The following MICAL2 variants were observed in gnomAD, a reference collection of about 807,000 sequenced individuals.
MICAL2 encodes microtubule associated monooxygenase, calponin and LIM domain containing 2, also known as [F-actin]-monooxygenase MICAL2.
Under a neutral mutation model 127.3 loss-of-function variants are expected in MICAL2, and 77 were observed. The ratio of observed to expected loss-of-function variants is 0.60; its 90% CI spans 0.50 to 0.73. The LOEUF is 0.73. Among genes scored for constraint, MICAL2 ranks in the 30% least tolerant of loss-of-function variants. The probability of loss-of-function intolerance (pLI) is 0.00; values close to 1 mark genes in which losing one functional copy is unlikely to be tolerated. For missense variants in MICAL2, 1,351 were observed against 1,434.4 expected (o/e 0.94, Z 0.94); for synonymous variants, 570 against 551.1 (o/e 1.03, Z -0.48).
At chr11:12,253,947 T>C (rs1200286775) in intron 22 of MICAL2, 1 of 152,184 alleles carries the variant, frequency 6.6e-6, no homozygotes, top group Non-Finnish European at 1.5e-5. Context: ...TGTAGGTCAG[T>C]GTGTGGGACT....
chr11:12,182,796 C>T lies in MICAL2; in HGVS notation c.264+20377C>T, dbSNP rs185257086. On this transcript the variant is annotated intron_variant, in intron 3 of 27. Transcript: ENST00000683283. ...TCCTCCCACTGTCCACCTTGGCTCT[C>T]CCTGGCTCACCTCCAGCCTGAGCTC... Among the ~76,000 whole-genome samples, 360 of 152,286 alleles carry T rather than the reference C, an allele frequency of 2.4e-3. 4 individuals carry two copies. Among genetic ancestry groups the T allele is most frequent in the African/African-American group, 8.2e-3 (339 of 41,556 alleles).
At chr11:12,238,919 G>A (rs1172350190) in intron 16 of MICAL2, among the ~76,000 whole-genome samples, 1 of 152,140 alleles carries the variant, frequency 6.6e-6, no homozygotes, top group African/African-American at 2.4e-5. Context: ...GTTAAAGCTG[G>A]GGGTAGGTAC....
At chr11:12,154,544 T>G (rs1407743777) in intron 2 of MICAL2, among the ~76,000 whole-genome samples, 1 of 152,220 alleles carries the variant, frequency 6.6e-6, no homozygotes, top group African/African-American at 2.4e-5. Context: ...TACACACATA[T>G]CACCACTGTT....
At chr11:12,236,453 C>T (rs879312646) in intron 16 of MICAL2, among the ~76,000 whole-genome samples, 1 of 152,200 alleles carries the variant, frequency 6.6e-6, no homozygotes, top group Non-Finnish European at 1.5e-5. Context: ...AACACAACCT[C>T]CCAGGATGTG....
intron 32 of MICAL2, among the ~76,000 whole-genome samples, chr11:12,330,894 AGAGAGAGT>A (rs1413546549): frequency 8.9e-5 from 11 of 124,218 alleles, no homozygotes; most frequent in African/African-American, 3.5e-4. Flanking sequence ...AGAGAGAGAG[AGAGAGAGT>A]GTGTGTGTGT....
At chr11:12,169,214 G>GA (rs1195817412) in intron 3 of MICAL2, among the ~76,000 whole-genome samples, 19 of 86,678 alleles carry the variant, frequency 2.2e-4, no homozygotes, top group Admixed American at 1.2e-3. Flanking sequence ...TTCTTAATGG[G>GA]AAAAAAAAAT....
At chr11:12,347,183 A>C (rs148269629) in intron 32 of MICAL2, among the ~76,000 whole-genome samples, 1 of 151,988 alleles carries the variant, frequency 6.6e-6, no homozygotes, top group Non-Finnish European at 1.5e-5. Context: ...TTTCCTCTCA[A>C]AAGTGTTACC....
In MICAL2 at chr11:12,149,029, T is replaced by C. The variant is rs560747925; in HGVS notation, c.-78+10569T>C. 2.0e-3 allele frequency among the ~76,000 whole-genome samples: 305 copies of C among 152,258 alleles called. 2 individuals are homozygous for C. Among genetic ancestry groups the C allele is most frequent in the Middle Eastern group, 3.4e-3 (1 of 294 alleles). On this transcript the variant is annotated intron_variant, in intron 2 of 27. Transcript: ENST00000683283. ...ATGGTGGGTTGGGTTTGGTGACCAG[T>C]CTGCCTGACTCCAGAGTCCAAACTG...
intron 3 of MICAL2, among the ~76,000 whole-genome samples, chr11:12,168,887 C>T (rs1269434056): frequency 2.2e-5 from 3 of 137,614 alleles, no homozygotes; most frequent in African/African-American, 8.4e-5. Context: ...GTCAAGGCGG[C>T]AGTGAGCTAT....
At chr11:12,185,479 C>A (rs1041598998) in intron 3 of MICAL2, among the ~76,000 whole-genome samples, 3 of 152,090 alleles carry the variant, frequency 2.0e-5, no homozygotes, top group South Asian at 2.1e-4. Context: ...CCTTCCCATC[C>A]CCATGACAGG....
At chr11:12,246,036 T>TGCCTTTCTCTCATCCCC (rs1188599813) in intron 21 of MICAL2, among the ~76,000 whole-genome samples, 1 of 152,262 alleles carries the variant, frequency 6.6e-6, no homozygotes, top group African/African-American at 2.4e-5. Context: ...CTCTTGTCCC[T>TGCCTTTCTCTCATCCCC]GCCTTTCTCT....
chr11:12,215,977 A>G (rs889223640), intron 7 of MICAL2, among the ~76,000 whole-genome samples: 1 of 152,148 alleles, frequency 6.6e-6, no homozygotes, highest in African/African-American at 2.4e-5. Context: ...CACAACCCCT[A>G]CAGACGTTGT....
intron 21 of MICAL2, among the ~76,000 whole-genome samples, chr11:12,247,575 A>G (rs570356901): frequency 1.3e-5 from 2 of 152,290 alleles, no homozygotes; most frequent in African/African-American, 2.4e-5. Flanking sequence ...CATTTTAGGC[A>G]GTTATGGATG....
intron 3 of MICAL2, among the ~76,000 whole-genome samples, chr11:12,184,790 C>T (rs997822278): frequency 3.3e-5 from 5 of 151,848 alleles, no homozygotes; most frequent in Admixed American, 2.6e-4. Flanking sequence ...CCCTGTCTAG[C>T]TTCAGGTGTT....
intron 3 of MICAL2, among the ~76,000 whole-genome samples, chr11:12,178,888 C>T (rs1217733923): frequency 1.3e-5 from 2 of 152,054 alleles, no homozygotes; most frequent in African/African-American, 2.4e-5. Flanking sequence ...CTTCCTCCCA[C>T]ATGCAATCAC....
In MICAL2 at chr11:12,256,836, T is replaced by C. The variant is rs750419868; in HGVS notation, c.3007T>C (p.Tyr1003His). The C allele has an allele frequency of 4.3e-6, 7 of 1,614,106 alleles. No individual in the cohort carries two copies. In the Admixed American group the frequency reaches 6.7e-5, roughly 15 times the overall value. Residue 1003 changes from tyrosine to histidine, a missense_variant, in exon 24 of 28, where the codon TAC becomes CAC. Transcript: ENST00000683283. ...TAACCTGGGAGGCAGCGACACGTGT[T>C]ACTTCTGTAAGAAACGTGTGTACGT... The part of the protein sequence containing the change: ...PLNLGGSDTC[Y>H]FCKKRVYVME...
intron 32 of MICAL2, among the ~76,000 whole-genome samples, chr11:12,330,908 T>A (rs866783186): frequency 0.042 from 4,956 of 116,732 alleles, 331 homozygotes; most frequent in African/African-American, 0.16. Context: ...AGAGTGTGTG[T>A]GTGTGTGTGT....
intron 3 of MICAL2, among the ~76,000 whole-genome samples, chr11:12,176,385 G>A (rs1030827030): frequency 6.6e-6 from 1 of 152,186 alleles, no homozygotes; most frequent in Non-Finnish European, 1.5e-5. Context: ...CTGGGGTAAA[G>A]GCTATGTGAG....
At chr11:12,171,915 G>A (rs1281482076) in intron 3 of MICAL2, among the ~76,000 whole-genome samples, 1 of 152,146 alleles carries the variant, frequency 6.6e-6, no homozygotes, top group Non-Finnish European at 1.5e-5. Context: ...ATTTCAACAT[G>A]TAGTAAATAT....
Sources: allele counts gnomAD v4.1 joint callset (sites outside exome capture counted in the v4.1 genomes callset), GRCh38; gene constraint gnomAD v4.1.1; transcripts MANE v1.5; gene names NCBI Gene and HGNC (gene_info 2026-07-23, HGNC 2026-07-21).